Variants in TASP1 observed in about 807,000 individuals in gnomAD.
TASP1 encodes taspase 1.
Under a neutral mutation model 56.6 loss-of-function variants are expected in TASP1, and 16 were observed. That is an observed-to-expected ratio of 0.28 (90% CI 0.19 to 0.43). The LOEUF is 0.43. TASP1 is among the 20% of genes least tolerant of loss of function. The probability of loss-of-function intolerance (pLI) is 1.00; values close to 1 mark genes in which losing one functional copy is unlikely to be tolerated. For missense variants in TASP1, 393 were observed against 511.6 expected (o/e 0.77, Z 2.24); for synonymous variants, 179 against 184.2 (o/e 0.97, Z 0.23).
At position 13,567,036 on chromosome 20, in the gene TASP1, T is replaced by A. The variant is rs529787328; in HGVS notation, c.568+2471A>T. Among the ~76,000 whole-genome samples the A allele has an allele frequency of 4.1e-4, 62 of 152,210 alleles. No homozygotes were observed. In the South Asian group the frequency reaches 0.013, roughly 31 times the overall value. On this transcript the variant is annotated intron_variant, in intron 7 of 13. Coordinates refer to ENST00000337743, the MANE Select transcript of TASP1 (RefSeq NM_017714.3). Reference sequence around the variant, plus strand: ...TACATGGAATCAACCTAAATGCCCATCAATGGTAGACTGGATAAAGAAAAT... The same window carrying A: ...TACATGGAATCAACCTAAATGCCCAACAATGGTAGACTGGATAAAGAAAAT...
the TASP1 span, chr20:13,299,601 C>T: frequency 3.6e-6 from 3 of 823,144 alleles, no homozygotes; most frequent in Non-Finnish European, 5.6e-6. This position sits in a 1 kb window ranked among gnomAD's most constrained non-coding sequence, Gnocchi z 5.8. Context: ...TCATACATTA[C>T]GCTAGGGGCG....
the TASP1 span, chr20:13,159,948 T>G: frequency 6.9e-7 from 1 of 1,450,180 alleles, no homozygotes; most frequent in Non-Finnish European, 9.2e-7. Flanking sequence ...TCAGGATAAT[T>G]TTGTCTTTTC....
chr20:13,531,486 C>CTT lies in TASP1; in HGVS notation c.795+2534_795+2535dup, dbSNP rs148240627. On this transcript the variant is annotated intron_variant, in intron 9 of 13. Transcript: ENST00000337743. ...CTAATTCAAATTGCCATTTCTTATC[C>CTT]TTTTTTTTTTTTTTTCTTTTTTTTG... is the stretch of plus-strand genomic sequence containing the variant. Among the ~76,000 whole-genome samples the CTT allele has an allele frequency of 3.4e-3, 486 of 142,264 alleles. 2 individuals are homozygous for CTT. The highest frequency in any genetic ancestry group is 0.012 in the East Asian group (57 of 4,920). The allele number at this position is 142,264 out of a possible 152,430, so 93.3% of individuals were successfully genotyped here.
the TASP1 span, among the ~76,000 whole-genome samples, chr20:13,158,105 C>T: frequency 5.9e-5 from 9 of 152,148 alleles, no homozygotes; most frequent in South Asian, 4.2e-4. Context: ...AAAGGGTTTG[C>T]ATTTTTTCCC....
At chr20:13,262,001 G>A in the TASP1 span, among the ~76,000 whole-genome samples, 5 of 152,170 alleles carry the variant, frequency 3.3e-5, no homozygotes, top group South Asian at 2.1e-4. Flanking sequence ...TTCGACACCC[G>A]TTCCCTCTGG....
rs906812668 is a variant in TASP1 at position 13,534,271 on chromosome 20, A to G, written c.676-130T>C. 13 of 1,097,782 alleles carry G rather than the reference A, an allele frequency of 1.2e-5. No homozygotes were observed. In the South Asian group the frequency reaches 3.3e-4, roughly 28 times the overall value. 68.0% of individuals were successfully genotyped at this position (1,097,782 alleles called of 1,614,324 possible). A position where few individuals can be genotyped will look rare whatever the true frequency, so the allele number is the denominator to read the frequency against. On this transcript the variant is annotated intron_variant, in intron 8 of 13. Coordinates refer to ENST00000337743, the MANE Select transcript of TASP1 (RefSeq NM_017714.3). ...CTAATCCCTAAGTGGAACATTGAGC[A>G]ATCTCCTAAAATTATCTATTATCAA...
the TASP1 span, among the ~76,000 whole-genome samples, chr20:13,252,265 C>A: frequency 2.6e-5 from 4 of 152,168 alleles, no homozygotes; most frequent in Admixed American, 2.0e-4. Flanking sequence ...GAGTAGGGAC[C>A]ATTTGGCTTT....
the TASP1 span, among the ~76,000 whole-genome samples, chr20:13,288,315 G>A: frequency 0.023 from 3,546 of 152,210 alleles, 133 homozygotes; most frequent in African/African-American, 0.08. Flanking sequence ...CACCTTCTAG[G>A]GATGTACAGA....
intron 4 of TASP1, among the ~76,000 whole-genome samples, chr20:13,612,323 C>T (rs2048372735): frequency 6.6e-6 from 1 of 152,004 alleles, no homozygotes; most frequent in Non-Finnish European, 1.5e-5. Context: ...ACTCAGAGTC[C>T]ACAGGAAGTC....
chr20:13,214,892 G>A, the TASP1 span, among the ~76,000 whole-genome samples: 1 of 152,268 alleles, frequency 6.6e-6, no homozygotes, highest in African/African-American at 2.4e-5. Flanking sequence ...GGCGCAAGGA[G>A]CCAGACACAA....
At chr20:13,396,756 T>G (rs2041554656) in intron 13 of TASP1, among the ~76,000 whole-genome samples, 1 of 152,236 alleles carries the variant, frequency 6.6e-6, no homozygotes, top group Non-Finnish European at 1.5e-5. Flanking sequence ...TATCTTACTG[T>G]GTGTCGCTCA....
At chr20:13,455,839 C>G (rs566348205) in intron 11 of TASP1, among the ~76,000 whole-genome samples, 15 of 152,276 alleles carry the variant, frequency 9.9e-5, no homozygotes, top group African/African-American at 3.6e-4. Flanking sequence ...CGCTGATTTA[C>G]ATGGGGCATT....
intron 4 of TASP1, among the ~76,000 whole-genome samples, chr20:13,605,704 T>A (rs184811722): frequency 6.6e-6 from 1 of 152,078 alleles, no homozygotes; most frequent in African/African-American, 2.4e-5. Flanking sequence ...TAAATTTAAA[T>A]AATTTAAAAT....
chr20:13,485,394 A>G (rs943270919), intron 10 of TASP1, among the ~76,000 whole-genome samples: 3 of 152,192 alleles, frequency 2.0e-5, no homozygotes, highest in Non-Finnish European at 2.9e-5. Flanking sequence ...CAATAGAAGA[A>G]TGGGAATTCT....
intron 12 of TASP1, among the ~76,000 whole-genome samples, chr20:13,427,078 T>C (rs2042640146): frequency 6.6e-6 from 1 of 152,216 alleles, no homozygotes; most frequent in African/African-American, 2.4e-5. Context: ...TCATAAGTGC[T>C]CACTGTGGCA....
the TASP1 span, chr20:13,164,896 A>C: frequency 5.3e-5 from 84 of 1,575,934 alleles, no homozygotes; most frequent in East Asian, 1.5e-3. Context: ...ACACATAAAG[A>C]CTTTGCGAGA....
chr20:13,537,790 T>G (rs1431219686), intron 8 of TASP1, among the ~76,000 whole-genome samples: 1 of 152,176 alleles, frequency 6.6e-6, no homozygotes, highest in Non-Finnish European at 1.5e-5. Context: ...AAATAAAACT[T>G]TCTTGAAGTA....
chr20:13,560,474 C>A (rs1341350645), intron 7 of TASP1, among the ~76,000 whole-genome samples: 1 of 152,116 alleles, frequency 6.6e-6, no homozygotes, highest in Non-Finnish European at 1.5e-5. Context: ...ACATTCCCCA[C>A]AATAAACTGG....
chr20:13,614,794 CTTTG>C (rs2048464531), intron 4 of TASP1: 1 of 468,676 alleles, frequency 2.1e-6, no homozygotes, highest in Non-Finnish European at 4.4e-6. Context: ...TAGTTTTAAA[CTTTG>C]TTTTAGTTGG....
Sources: gnomAD v4.1 joint callset for allele counts (sites outside exome capture counted in the v4.1 genomes callset) on GRCh38, gnomAD v4.1.1 for gene constraint, Gnocchi (gnomAD v3.1) non-coding constraint, MANE v1.5 for transcripts, NCBI Gene and HGNC (gene_info 2026-07-23, HGNC 2026-07-21) for gene names.